The following DLG2 variants were observed in gnomAD, a reference collection of about 807,000 sequenced individuals.
The protein encoded by DLG2 is disks large homolog 2.
Under a neutral mutation model 132.5 loss-of-function variants are expected in DLG2, and 45 were observed. The ratio of observed to expected loss-of-function variants is 0.34; its 90% CI spans 0.27 to 0.44. The LOEUF (loss-of-function observed/expected upper bound fraction) is 0.44. Among genes scored for constraint, DLG2 ranks in the 20% least tolerant of loss-of-function variants. The pLI, the probability that DLG2 is intolerant of heterozygous loss-of-function variation, is 1.00. For synonymous variants in DLG2, 424 were observed against 419.6 expected, an observed-to-expected ratio of 1.01 and a Z score of -0.13; for missense variants, 1,045 against 1,196.9, an observed-to-expected ratio of 0.87 and a Z score of 1.87.
chr11:85,135,386 C>G (rs1220062156), intron 5 of DLG2, among the ~76,000 whole-genome samples: 1 of 152,126 alleles, frequency 6.6e-6, no homozygotes, highest in East Asian at 1.9e-4. Flanking sequence ...AGGGGTTAGA[C>G]AGAGGAAGTA....
In DLG2 at chr11:83,510,830, GTT is replaced by G. The variant is rs566973328; in HGVS notation, c.2193+21876_2193+21877del. On this transcript the variant is annotated intron_variant, in intron 21 of 27. Transcript: ENST00000376104. Reference sequence around the variant, plus strand: ...TGGCTCAAAAGTTTCTGAACCATCCGTTTTTTTTTTTTTTTTTTTTTGGAAGG... The same window carrying G: ...TGGCTCAAAAGTTTCTGAACCATCCGTTTTTTTTTTTTTTTTTTTGGAAGG... 7.0e-3 allele frequency among the ~76,000 whole-genome samples: 617 copies of G among 88,776 alleles called. 6 individuals are homozygous for G. The highest frequency in any genetic ancestry group is 0.027 in the African/African-American group (593 of 22,316). 58.2% of individuals were successfully genotyped at this position (88,776 alleles called of 152,430 possible). A position where few individuals can be genotyped will look rare whatever the true frequency, so the allele number is the denominator to read the frequency against.
chr11:85,375,426 C>T (rs2152923175), intron 3 of DLG2, among the ~76,000 whole-genome samples: 1 of 152,248 alleles, frequency 6.6e-6, no homozygotes, highest in East Asian at 1.9e-4. Context: ...CACGCCTAAC[C>T]CCAGCACTCT....
Position 84,090,774 on chromosome 11 carries a change from T to C in DLG2, c.749+8149A>G, listed in dbSNP as rs529650389. On this transcript the variant is annotated intron_variant, in intron 10 of 27. Transcript: ENST00000376104. ...TCAGAAATTCTATAGTAGAAATATA[T>C]ACTAAGGAAATAATGAGGTACAAGG... Among the ~76,000 whole-genome samples, 6 of 152,218 alleles carry C rather than the reference T, an allele frequency of 3.9e-5. No homozygotes were observed. The South Asian group carries it at 8.3e-4, about 21-fold the overall frequency.
chr11:83,922,384 C>G (rs1417966014), intron 15 of DLG2, among the ~76,000 whole-genome samples: 2 of 151,976 alleles, frequency 1.3e-5, no homozygotes, highest in Non-Finnish European at 2.9e-5. Context: ...GTTTAGTGAT[C>G]ACCTACTTCA....
intron 17 of DLG2, among the ~76,000 whole-genome samples, chr11:83,830,518 G>A (rs1196550468): frequency 6.6e-6 from 1 of 152,238 alleles, no homozygotes; most frequent in African/African-American, 2.4e-5. Flanking sequence ...ACAAGGCATA[G>A]TGTTGTTGGA....
At chr11:84,553,138 T>C (rs1033586379) in intron 6 of DLG2, among the ~76,000 whole-genome samples, 2 of 152,224 alleles carry the variant, frequency 1.3e-5, no homozygotes, top group African/African-American at 4.8e-5. Flanking sequence ...ATTCTTTTCA[T>C]GTCACCTTTT....
In DLG2 at chr11:83,787,641, C is replaced by T. The variant is rs370421425; in HGVS notation, c.1723-849G>A. Among the ~76,000 whole-genome samples, 19 of 152,234 alleles carry T rather than the reference C, an allele frequency of 1.2e-4. No individual in the cohort carries two copies. In the East Asian group the frequency reaches 2.7e-3, roughly 22 times the overall value. Reference sequence around the variant, plus strand: ...CGGCCGCCTTGTTTTAAAATATATACTTGACTGTCCTATTTCTCATATACA... The same window carrying T: ...CGGCCGCCTTGTTTTAAAATATATATTTGACTGTCCTATTTCTCATATACA... On this transcript the variant is annotated intron_variant, in intron 17 of 27. Transcript: ENST00000376104.
At chr11:83,554,035 A>G (rs2096461031) in intron 19 of DLG2, among the ~76,000 whole-genome samples, 1 of 151,922 alleles carries the variant, frequency 6.6e-6, no homozygotes, top group Non-Finnish European at 1.5e-5. Context: ...CTGAGTAGTA[A>G]CCATGTCGGG....
At chr11:85,390,332 T>A (rs1596802019) in intron 3 of DLG2, among the ~76,000 whole-genome samples, 1 of 152,012 alleles carries the variant, frequency 6.6e-6, no homozygotes, top group Non-Finnish European at 1.5e-5. Context: ...GCACCTGACA[T>A]TGGCACTCCC....
intron 14 of DLG2, 134 bp from the exon 15 acceptor site, chr11:83,930,617 C>G (rs962218285): frequency 1.1e-6 from 1 of 902,662 alleles, no homozygotes; most frequent in Admixed American, 3.0e-5. Context: ...TAAAAGAAAC[C>G]CAATTTTCCA....
At chr11:84,144,091 C>T (rs949754770) in intron 9 of DLG2, among the ~76,000 whole-genome samples, 3 of 152,042 alleles carry the variant, frequency 2.0e-5, no homozygotes, top group African/African-American at 7.2e-5. Flanking sequence ...GGGCCCTATG[C>T]AGTTTCCTAA....
chr11:84,975,308 G>A (rs921114059), intron 6 of DLG2, among the ~76,000 whole-genome samples: 6 of 152,192 alleles, frequency 3.9e-5, no homozygotes, highest in Non-Finnish European at 8.8e-5. Flanking sequence ...TAGGTGGGGT[G>A]ATGATGCTAT....
At chr11:84,913,303 A>AT (rs1311704739) in intron 6 of DLG2, among the ~76,000 whole-genome samples, 7 of 152,206 alleles carry the variant, frequency 4.6e-5, no homozygotes, top group East Asian at 1.9e-4. Context: ...TGAAGTATGT[A>AT]TTTTTTCCCC....
intron 3 of DLG2, among the ~76,000 whole-genome samples, chr11:85,563,651 T>C (rs1169256964): frequency 1.4e-5 from 2 of 147,568 alleles, no homozygotes; most frequent in East Asian, 3.8e-4. Context: ...GTTTAATGAA[T>C]TTCATTCCTT....
At chr11:84,268,051 T>C (rs2097666107) in intron 7 of DLG2, among the ~76,000 whole-genome samples, 1 of 152,224 alleles carries the variant, frequency 6.6e-6, no homozygotes, top group South Asian at 2.1e-4. Context: ...ATGCTCAAAG[T>C]GTTAGATCAC....
intron 6 of DLG2, chr11:84,800,487 T>C (rs1386117537): frequency 1.3e-5 from 2 of 152,190 alleles, no homozygotes; most frequent in Non-Finnish European, 2.9e-5. Flanking sequence ...TTGACATTTT[T>C]TAAAATGACA....
At chr11:83,820,763 T>G (rs1037072637) in intron 17 of DLG2, among the ~76,000 whole-genome samples, 1 of 152,170 alleles carries the variant, frequency 6.6e-6, no homozygotes, top group African/African-American at 2.4e-5. Flanking sequence ...ATATGTAGTA[T>G]AGGAACAGCT....
chr11:84,587,880 A>G (rs563988046), intron 6 of DLG2, among the ~76,000 whole-genome samples: 99 of 152,346 alleles, frequency 6.5e-4, no homozygotes, highest in African/African-American at 2.3e-3. Flanking sequence ...TATTTTTCTC[A>G]GGAGCCCCAC....
At chr11:84,698,792 GT>G (rs56721488) in intron 6 of DLG2, among the ~76,000 whole-genome samples, 30,844 of 151,100 alleles carry the variant, frequency 0.2, 3,959 homozygotes, top group East Asian at 0.62. Context: ...ATACTGTTGC[GT>G]TTTTTTTGTT....
Sources: allele counts gnomAD v4.1 joint callset (sites outside exome capture counted in the v4.1 genomes callset), GRCh38; gene constraint gnomAD v4.1.1; transcripts MANE v1.5; gene names NCBI Gene and HGNC (gene_info 2026-07-23, HGNC 2026-07-21).